The following MLF1 variants were observed in gnomAD, a reference collection of about 807,000 sequenced individuals.
The protein encoded by MLF1 is myeloid leukemia factor 1, also known as myelodysplasia-myeloid leukemia factor 1.
Under a neutral mutation model 38.3 loss-of-function variants are expected in MLF1, and 37 were observed. The observed-to-expected ratio is 0.96, with a 90% CI of 0.74 to 1.27. The LOEUF is 1.27. MLF1 is among the 50% of genes most tolerant of loss of function. MLF1 has a pLI of 0.00. For synonymous variants in MLF1, 95 were observed against 106.5 expected (o/e 0.89, Z 0.66); for missense variants, 331 against 349.2 (o/e 0.95, Z 0.42).
intron 2 of MLF1, among the ~76,000 whole-genome samples, chr3:158,592,799 T>C (rs1718354595): frequency 6.6e-6 from 1 of 152,188 alleles, no homozygotes; most frequent in South Asian, 2.1e-4. Context: ...GTTAGGTCCA[T>C]AGAAGCATAT....
intron 6 of MLF1, among the ~76,000 whole-genome samples, chr3:158,601,719 G>T (rs563319183): frequency 6.8e-6 from 1 of 147,370 alleles, no homozygotes. Flanking sequence ...ATCACGCATT[G>T]CACTCCAGCC....
chr3:158,581,438 G>C (rs1207953846), intron 1 of MLF1, among the ~76,000 whole-genome samples: 2 of 152,180 alleles, frequency 1.3e-5, no homozygotes, highest in African/African-American at 2.4e-5. Flanking sequence ...CCTGGGGGAA[G>C]GCAAATACCC....
chr3:158,571,204 T>A lies in MLF1; in HGVS notation c.-97T>A, dbSNP rs1714208094. Reference sequence around the variant, plus strand: ...CGCCTGCGCCGCGGCGAGTGAGGCGTCGTCCGTACTGGAGGCTAGCTCTTG... The same window carrying A: ...CGCCTGCGCCGCGGCGAGTGAGGCGACGTCCGTACTGGAGGCTAGCTCTTG... On this transcript the variant is annotated 5_prime_UTR_variant, in exon 1 of 8. Coordinates refer to ENST00000466246, the MANE Select transcript of MLF1 (RefSeq NM_001369783.1). 1 of 953,734 alleles carries A rather than the reference T, an allele frequency of 1.0e-6. No individual in the cohort carries two copies. The highest frequency in any genetic ancestry group is 1.6e-6 in the Non-Finnish European group (1 of 608,830). 59.1% of individuals were successfully genotyped at this position (953,734 alleles called of 1,614,324 possible). A position where few individuals can be genotyped will look rare whatever the true frequency, so the allele number is the denominator to read the frequency against.
chr3:158,580,668 G>C (rs1161780319), intron 1 of MLF1, among the ~76,000 whole-genome samples: 1 of 151,720 alleles, frequency 6.6e-6, no homozygotes, highest in Non-Finnish European at 1.5e-5. Context: ...CAAGAATCTG[G>C]TATGTGGCTG....
chr3:158,589,749 A>G (rs903340699), intron 1 of MLF1, among the ~76,000 whole-genome samples: 2 of 152,198 alleles, frequency 1.3e-5, no homozygotes, highest in Non-Finnish European at 2.9e-5. Context: ...CAGAAGTCCA[A>G]AATGGGTTTC....
intron 1 of MLF1, among the ~76,000 whole-genome samples, chr3:158,586,887 T>G (rs1212964906): frequency 6.6e-6 from 1 of 152,248 alleles, no homozygotes; most frequent in African/African-American, 2.4e-5. Context: ...TAATTTATAT[T>G]TTGAGTACTT....
intron 1 of MLF1, among the ~76,000 whole-genome samples, chr3:158,582,296 T>C (rs1019512295): frequency 3.4e-5 from 5 of 146,136 alleles, no homozygotes; most frequent in African/African-American, 1.3e-4. Context: ...AAACTGAAAA[T>C]CAAAGAGAAA....
chr3:158,573,969 T>C (rs1295457278), intron 1 of MLF1, among the ~76,000 whole-genome samples: 1 of 152,094 alleles, frequency 6.6e-6, no homozygotes, highest in Non-Finnish European at 1.5e-5. Flanking sequence ...CACACCCTGC[T>C]AATTTTTTTT....
Position 158,605,325 on chromosome 3 carries a change from A to G in MLF1, c.*123A>G, listed in dbSNP as rs760408195. 1.6e-6 allele frequency: 1 copy of G among 634,682 alleles called. No homozygotes were observed. The highest frequency in any genetic ancestry group is 2.6e-6 in the Non-Finnish European group (1 of 381,850). The allele number at this position is 634,682 out of a possible 1,614,324, so 39.3% of individuals were successfully genotyped here. The stretch of plus-strand genomic sequence containing the variant: ...TTCTGTCCTTGGCAACTTTCTTCTG[A>G]TATCTGAATGTTCATGAAGGTCCTA... On this transcript the variant is annotated 3_prime_UTR_variant, in exon 8 of 8. Transcript: ENST00000466246.
At chr3:158,589,501 C>T (rs567352148) in intron 1 of MLF1, among the ~76,000 whole-genome samples, 3 of 152,244 alleles carry the variant, frequency 2.0e-5, no homozygotes, top group East Asian at 1.9e-4. Flanking sequence ...TGAGCCACCG[C>T]GCCCAGCCCT....
intron 7 of MLF1, among the ~76,000 whole-genome samples, chr3:158,603,604 G>A (rs566858154): frequency 3.9e-5 from 6 of 152,212 alleles, no homozygotes; most frequent in East Asian, 3.9e-4. Context: ...TCCGGAGGCC[G>A]AGGCAGGTGG....
chr3:158,581,129 G>A (rs1295650275), intron 1 of MLF1, among the ~76,000 whole-genome samples: 5 of 152,142 alleles, frequency 3.3e-5, no homozygotes. Flanking sequence ...CTTAACTGGT[G>A]CAGAAACCTC....
At chr3:158,601,976 C>T (rs1247947182) in intron 6 of MLF1, among the ~76,000 whole-genome samples, 2 of 151,714 alleles carry the variant, frequency 1.3e-5, no homozygotes, top group Non-Finnish European at 2.9e-5. Flanking sequence ...GCCACCATGC[C>T]TGGCTAATTT....
At chr3:158,598,915 G>C (rs1270922266) in intron 5 of MLF1, among the ~76,000 whole-genome samples, 1 of 152,052 alleles carries the variant, frequency 6.6e-6, no homozygotes, top group Non-Finnish European at 1.5e-5. Flanking sequence ...ATTACATAAA[G>C]GGTATCATAT....
chr3:158,573,965 C>T (rs897048397), intron 1 of MLF1, among the ~76,000 whole-genome samples: 4 of 152,004 alleles, frequency 2.6e-5, no homozygotes, highest in African/African-American at 9.7e-5. Context: ...CCACCACACC[C>T]TGCTAATTTT....
intron 1 of MLF1, among the ~76,000 whole-genome samples, chr3:158,583,100 A>G (rs1324398916): frequency 4.6e-5 from 7 of 152,162 alleles, no homozygotes; most frequent in Non-Finnish European, 1.0e-4. Context: ...TCTGCTCAGT[A>G]ATTTCCAGCA....
At chr3:158,584,118 C>A (rs989899135) in intron 1 of MLF1, among the ~76,000 whole-genome samples, 8 of 152,158 alleles carry the variant, frequency 5.3e-5, no homozygotes, top group Admixed American at 4.6e-4. Flanking sequence ...CCTTTAAAGT[C>A]TTTTTGACCT....
chr3:158,590,761 T>G (rs888651561), intron 1 of MLF1: 2 of 456,162 alleles, frequency 4.4e-6, no homozygotes, highest in African/African-American at 4.0e-5. Flanking sequence ...ACGAGGAAGC[T>G]TTTTGGAATG....
chr3:158,582,006 C>G (rs1422723759), intron 1 of MLF1, among the ~76,000 whole-genome samples: 1 of 152,100 alleles, frequency 6.6e-6, no homozygotes, highest in Non-Finnish European at 1.5e-5. Context: ...ATGGCAAAAT[C>G]CCGTCTCTAC....
Sources: allele counts gnomAD v4.1 joint callset (sites outside exome capture counted in the v4.1 genomes callset), GRCh38; gene constraint gnomAD v4.1.1; transcripts MANE v1.5; gene names NCBI Gene and HGNC (gene_info 2026-07-23, HGNC 2026-07-21).